Variants in TNN observed in about 807,000 individuals in gnomAD.
TNN encodes the protein tenascin-N.
In TNN, 122 loss-of-function variants were observed where a neutral mutation model predicts 134.4. The ratio of observed to expected loss-of-function variants is 0.91; its 90% confidence interval spans 0.78 to 1.06. The LOEUF is 1.06. Ranked by LOEUF, TNN falls within the 50% of genes least tolerant of loss-of-function variation. The pLI is 0.00. For missense variants in TNN, 1,739 were observed against 1,699.4 expected, an observed-to-expected ratio of 1.02 and a Z score of -0.41; for synonymous variants, 710 against 670.3, an observed-to-expected ratio of 1.06 and a Z score of -0.91.
At chr1:175,108,406 C>T (rs1674917026) in intron 9 of TNN, among the ~76,000 whole-genome samples, 1 of 152,258 alleles carries the variant, frequency 6.6e-6, no homozygotes. Context: ...CGAGTGGATC[C>T]CGCACTGGGG....
At chr1:175,079,266 C>T in intron 2 of TNN, 67 bp from the exon 3 acceptor site, 2 of 1,475,988 alleles carry the variant, frequency 1.4e-6, no homozygotes, top group Non-Finnish European at 1.8e-6. Context: ...CATGGCTGAT[C>T]TCAGAGGAAG....
At chr1:175,100,701 T>G (rs1385634761) in intron 9 of TNN, among the ~76,000 whole-genome samples, 1 of 20,100 alleles carries the variant, frequency 5.0e-5, no homozygotes, top group Admixed American at 3.3e-4. Flanking sequence ...GAAATGCTAG[T>G]TTTTTTTTTT....
At chr1:175,097,908 A>G (rs1327583445) in intron 8 of TNN, among the ~76,000 whole-genome samples, 2 of 152,224 alleles carry the variant, frequency 1.3e-5, no homozygotes, top group Non-Finnish European at 2.9e-5. Context: ...GTAAAGTCTT[A>G]TAGTAACAAT....
At chr1:175,095,701 G>A (rs1674554494) in intron 7 of TNN, among the ~76,000 whole-genome samples, 1 of 152,180 alleles carries the variant, frequency 6.6e-6, no homozygotes, top group South Asian at 2.1e-4. Context: ...AGCCTCCCAA[G>A]TAGCTGGGAT....
chr1:175,121,056 T>A (rs1156283940), intron 11 of TNN, among the ~76,000 whole-genome samples: 1 of 152,210 alleles, frequency 6.6e-6, no homozygotes, highest in Non-Finnish European at 1.5e-5. Context: ...GTGCTGGGAT[T>A]ACAGGCATGG....
intron 12 of TNN, 136 bp from the exon 13 acceptor site, chr1:175,126,819 A>G: frequency 1.1e-6 from 1 of 911,778 alleles, no homozygotes; most frequent in Non-Finnish European, 1.6e-6. Context: ...AGGGAGGAAG[A>G]GAGCCTGCAA....
intron 7 of TNN, among the ~76,000 whole-genome samples, chr1:175,096,167 C>T (rs764428855): frequency 6.6e-6 from 1 of 152,216 alleles, no homozygotes; most frequent in African/African-American, 2.4e-5. Flanking sequence ...CTACCACAGA[C>T]TAGGACAGGA....
At chr1:175,107,835 G>C (rs1283911938) in intron 9 of TNN, among the ~76,000 whole-genome samples, 4 of 140,242 alleles carry the variant, frequency 2.9e-5, no homozygotes, top group Admixed American at 2.1e-4. Flanking sequence ...TCTACACACA[G>C]GTTCTCCAGG....
chr1:175,092,972 C>A (rs1674488205), intron 6 of TNN, among the ~76,000 whole-genome samples: 1 of 152,228 alleles, frequency 6.6e-6, no homozygotes, highest in Non-Finnish European at 1.5e-5. Context: ...TCCTGTGTGA[C>A]CTTCACTCTT....
At chr1:175,132,175 T>C (rs1229313092) in intron 15 of TNN, among the ~76,000 whole-genome samples, 5 of 152,124 alleles carry the variant, frequency 3.3e-5, no homozygotes, top group Non-Finnish European at 5.9e-5. Context: ...AAGGAAGGGG[T>C]TGGACCAGGC....
At chr1:175,117,653 A>G (rs1220733452) in intron 10 of TNN, among the ~76,000 whole-genome samples, 1 of 152,238 alleles carries the variant, frequency 6.6e-6, no homozygotes, top group Non-Finnish European at 1.5e-5. Flanking sequence ...ACTATAAAAC[A>G]TATTTATAAC....
In TNN at chr1:175,118,732, C is replaced by T. The variant is rs761263903; in HGVS notation, c.2558C>T (p.Thr853Met). 4.5e-5 allele frequency: 73 copies of T among 1,614,184 alleles called. No homozygotes were observed. The highest frequency in any genetic ancestry group is 3.3e-4 in the Middle Eastern group (2 of 6,062). ...AAGGAGCAGAGCAGCACTGTCCTGA[C>T]GGGCCTGAGGCCGGGCATGGAGTAC... ...VGKEQSSTVL[T>M]GLRPGMEYTV... Residue 853 changes from threonine to methionine, a missense_variant, in exon 11 of 19, where the codon ACG becomes ATG. Coordinates refer to ENST00000239462, the MANE Select transcript of TNN (RefSeq NM_022093.2).
chr1:175,088,079 C>T (rs886464064), intron 6 of TNN, among the ~76,000 whole-genome samples: 3 of 152,176 alleles, frequency 2.0e-5, no homozygotes, highest in Admixed American at 6.5e-5. Flanking sequence ...TGAACCCAGT[C>T]CTTTTGGGTT....
intron 1 of TNN, among the ~76,000 whole-genome samples, chr1:175,074,940 AACCCTGGCAAATGACTTT>A (rs1310615083): frequency 6.6e-6 from 1 of 152,252 alleles, no homozygotes; most frequent in Non-Finnish European, 1.5e-5. Flanking sequence ...GTTGTTGGGC[AACCCTGGCAAATGACTTT>A]ACCTCTCAGA....
At chr1:175,109,699 G>A (rs1674971732) in intron 9 of TNN, among the ~76,000 whole-genome samples, 1 of 148,560 alleles carries the variant, frequency 6.7e-6, no homozygotes. Context: ...ACATACATAT[G>A]TATTATATAT....
chr1:175,083,755 G>T lies in TNN; in HGVS notation c.1054G>T (p.Ala352Ser). 1 of 1,614,024 alleles carries T rather than the reference G, an allele frequency of 6.2e-7. No individual in the cohort carries two copies. Among genetic ancestry groups the T allele is most frequent in the South Asian group, 1.1e-5 (1 of 91,064 alleles). The change falls in exon 5 of 19, where the codon GCT becomes TCT. Residue 352 changes from alanine (A) to serine (S), a missense_variant. Coordinates refer to ENST00000239462, the MANE Select transcript of TNN (RefSeq NM_022093.2). ...PQHLLATTDL[A>S]VLGTAWVTDE... is the part of the protein sequence containing the mutation. ...CTCCGTCACCCCTGCCCTAGACCTT[G>T]CTGTGCTTGGCACTGCCTGGGTGAC...
chr1:175,100,330 T>A (rs1198882926), intron 9 of TNN, among the ~76,000 whole-genome samples: 2 of 152,244 alleles, frequency 1.3e-5, no homozygotes, highest in Non-Finnish European at 2.9e-5. Flanking sequence ...CATTGCTGAC[T>A]GCCCCTGGTT....
At chr1:175,137,357 C>T (rs549215667) in intron 17 of TNN, among the ~76,000 whole-genome samples, 1 of 84,600 alleles carries the variant, frequency 1.2e-5, no homozygotes, top group African/African-American at 4.2e-5. Context: ...TCTTTGTCTG[C>T]ACAGTAGTGT....
chr1:175,135,412 A>C (rs1675775606), intron 15 of TNN, among the ~76,000 whole-genome samples: 1 of 152,198 alleles, frequency 6.6e-6, no homozygotes, highest in African/African-American at 2.4e-5. Context: ...AGGTGAATTA[A>C]AAAATAATTC....
Sources: allele counts gnomAD v4.1 joint callset (sites outside exome capture counted in the v4.1 genomes callset), GRCh38; gene constraint gnomAD v4.1.1; transcripts MANE v1.5; gene names NCBI Gene and HGNC (gene_info 2026-07-23, HGNC 2026-07-21).